Variants in DLG2 observed in about 807,000 individuals in gnomAD.
DLG2 encodes disks large homolog 2.
Under a neutral mutation model 132.5 loss-of-function variants are expected in DLG2, and 45 were observed. The observed-to-expected ratio is 0.34, with a 90% CI of 0.27 to 0.44. The LOEUF is 0.44. DLG2 is among the 20% of genes least tolerant of loss of function. DLG2 has a pLI of 1.00. For missense variants in DLG2, 1,045 were observed against 1,196.9 expected (o/e 0.87, Z 1.87); for synonymous variants, 424 against 419.6 (o/e 1.01, Z -0.13).
intron 3 of DLG2, among the ~76,000 whole-genome samples, chr11:85,319,111 T>C (rs906036361): frequency 2.6e-5 from 4 of 151,904 alleles, no homozygotes; most frequent in Admixed American, 6.6e-5. Flanking sequence ...GTTCTTTTTA[T>C]ACATCCCTAC....
At chr11:83,974,449 A>G (rs1036168022) in intron 12 of DLG2, among the ~76,000 whole-genome samples, 1 of 48,270 alleles carries the variant, frequency 2.1e-5, no homozygotes, top group Non-Finnish European at 3.9e-5. Context: ...TCCACTAAAC[A>G]CTAGTTTTAG....
chr11:85,481,801 C>A (rs1565558792), intron 3 of DLG2, among the ~76,000 whole-genome samples: 1 of 152,080 alleles, frequency 6.6e-6, no homozygotes, highest in Non-Finnish European at 1.5e-5. Flanking sequence ...AACCTATGGA[C>A]CCAGCCCCCA....
In DLG2 at chr11:83,654,234, C is replaced by A. The variant is rs535634205; in HGVS notation, c.1826-20909G>T. On this transcript the variant is annotated intron_variant, in intron 18 of 27. Coordinates refer to ENST00000376104, the MANE Select transcript of DLG2 (RefSeq NM_001142699.3). ...AGTTAAAGGATGATTTGGACTCTGTCATGGAGCTACATTAGGATTAGAATA... is the reference window on the plus strand; with the variant it reads ...AGTTAAAGGATGATTTGGACTCTGTAATGGAGCTACATTAGGATTAGAATA... Among the ~76,000 whole-genome samples the A allele has an allele frequency of 9.9e-5, 15 of 152,248 alleles. No homozygotes were observed. In the South Asian group the frequency reaches 3.1e-3, roughly 32 times the overall value.
intron 18 of DLG2, among the ~76,000 whole-genome samples, chr11:83,654,679 G>A (rs544408593): frequency 6.6e-6 from 1 of 152,184 alleles, no homozygotes; most frequent in African/African-American, 2.4e-5. Flanking sequence ...AGCTATTGCT[G>A]TAACATCTAA....
At chr11:85,412,725 TCACACACACACACACACA>T (rs542505541) in intron 3 of DLG2, among the ~76,000 whole-genome samples, 7 of 92,270 alleles carry the variant, frequency 7.6e-5, no homozygotes, top group African/African-American at 1.6e-4. Context: ...GAGCAGTATT[TCACACACACACACACACA>T]CACACACACA....
At chr11:85,534,670 C>T (rs948740156) in intron 3 of DLG2, among the ~76,000 whole-genome samples, 1 of 152,186 alleles carries the variant, frequency 6.6e-6, no homozygotes, top group African/African-American at 2.4e-5. Context: ...CCACAAAGAA[C>T]ATGATTATAG....
intron 19 of DLG2, among the ~76,000 whole-genome samples, chr11:83,561,838 C>CTAACA (rs1187916342): frequency 6.7e-6 from 1 of 148,414 alleles, no homozygotes; most frequent in Non-Finnish European, 1.5e-5. Flanking sequence ...TAATATTTTT[C>CTAACA]TAACATAAAC....
At chr11:85,464,708 A>G (rs928552109) in intron 3 of DLG2, among the ~76,000 whole-genome samples, 4 of 152,054 alleles carry the variant, frequency 2.6e-5, no homozygotes, top group Non-Finnish European at 5.9e-5. Context: ...CCCTTATCAT[A>G]ATCCTAATGT....
At chr11:84,294,457 G>A (rs943501308) in intron 7 of DLG2, among the ~76,000 whole-genome samples, 4 of 152,082 alleles carry the variant, frequency 2.6e-5, no homozygotes, top group African/African-American at 7.2e-5. Flanking sequence ...AATAAGAAGG[G>A]TGTGTTGGCG....
At chr11:84,058,413 T>C (rs2154129825) in intron 11 of DLG2, among the ~76,000 whole-genome samples, 1 of 151,490 alleles carries the variant, frequency 6.6e-6, no homozygotes, top group East Asian at 1.9e-4. Context: ...CCCAACACTT[T>C]GGGAGGCCAA....
intron 7 of DLG2, among the ~76,000 whole-genome samples, chr11:84,473,702 T>A (rs551037503): frequency 6.6e-6 from 1 of 152,140 alleles, no homozygotes; most frequent in South Asian, 2.1e-4. Flanking sequence ...AGAAACTCTC[T>A]GAAAAGTAAG....
rs78548002 is a variant in DLG2, at chr11:85,083,143, G to A, written c.357+28518C>T. 5.7e-4 allele frequency among the ~76,000 whole-genome samples: 87 copies of A among 152,242 alleles called. 1 individual carries two copies. The East Asian group carries it at 0.015, about 27-fold the overall frequency. ...TTGCCTGCCCTCCATAATCATGGAAGCAGGAAAATTTGTCTTCCTTGTTGG... is the reference window on the plus strand; with the variant it reads ...TTGCCTGCCCTCCATAATCATGGAAACAGGAAAATTTGTCTTCCTTGTTGG... On this transcript the variant is annotated intron_variant, in intron 6 of 27. Transcript: ENST00000376104.
At chr11:84,847,248 G>A (rs529295998) in intron 6 of DLG2, among the ~76,000 whole-genome samples, 4 of 152,182 alleles carry the variant, frequency 2.6e-5, no homozygotes. Flanking sequence ...GATGGTTAAT[G>A]ATGACTGGAA....
rs1000311391 is a variant in DLG2, at chr11:84,204,842, T to C, written c.574-41331A>G. ...TCAGCCTCCTAAGTAGCTGGGATTA[T>C]AGGCTCCCGCCACCACACTTGGCTA... On this transcript the variant is annotated intron_variant, in intron 8 of 27. Coordinates refer to ENST00000376104, the MANE Select transcript of DLG2 (RefSeq NM_001142699.3). Among the ~76,000 whole-genome samples the C allele has an allele frequency of 3.3e-5, 5 of 152,078 alleles. No homozygotes were observed. The South Asian group carries it at 8.3e-4, about 25-fold the overall frequency.
In DLG2 at chr11:83,833,605, C is replaced by T; in HGVS notation, c.1722+9G>A. On this transcript the variant is annotated intron_variant, in intron 17 of 27. Transcript: ENST00000376104. ...ATGGAGGGAATAAAGATTAAAGAAA[C>T]ATACTCACCGATAGGATCTGGTCTC... 1 of 1,608,506 alleles carries T rather than the reference C, an allele frequency of 6.2e-7. No homozygotes were observed. The highest frequency in any genetic ancestry group is 8.5e-7 in the Non-Finnish European group (1 of 1,177,608).
At chr11:84,758,478 G>T (rs981903543) in intron 6 of DLG2, among the ~76,000 whole-genome samples, 3 of 152,118 alleles carry the variant, frequency 2.0e-5, no homozygotes, top group African/African-American at 7.2e-5. Context: ...CACCAGGTAG[G>T]TACTTTAGAA....
chr11:85,029,190 C>T (rs968802599), intron 6 of DLG2, among the ~76,000 whole-genome samples: 19 of 109,032 alleles, frequency 1.7e-4, no homozygotes, highest in African/African-American at 7.7e-4. Flanking sequence ...CAAGTTACCA[C>T]TCTTTTTTTT....
chr11:84,028,018 T>C (rs2095586640), intron 11 of DLG2, among the ~76,000 whole-genome samples: 4 of 151,716 alleles, frequency 2.6e-5, no homozygotes, highest in African/African-American at 9.7e-5. Context: ...ATAACCAATG[T>C]ATTTTCTTAT....
intron 6 of DLG2, among the ~76,000 whole-genome samples, chr11:85,098,239 T>C (rs2070230564): frequency 6.6e-6 from 1 of 152,222 alleles, no homozygotes; most frequent in South Asian, 2.1e-4. Context: ...CTTTCCAGTG[T>C]ACTTCATATA....
Sources: gnomAD v4.1 joint callset for allele counts (sites outside exome capture counted in the v4.1 genomes callset) on GRCh38, gnomAD v4.1.1 for gene constraint, MANE v1.5 for transcripts, NCBI Gene and HGNC (gene_info 2026-07-23, HGNC 2026-07-21) for gene names.